The following KCNT2 variants were observed in gnomAD, a reference collection of about 807,000 sequenced individuals.
KCNT2 encodes the protein potassium channel subfamily T member 2.
In KCNT2, 67 loss-of-function variants were observed where a neutral mutation model predicts 153.8. That is an observed-to-expected ratio of 0.44 (90% CI 0.36 to 0.53). The LOEUF (loss-of-function observed/expected upper bound fraction) is 0.53, where lower values mean the gene tolerates loss of function less well. Ranked by LOEUF, KCNT2 falls within the 20% of genes least tolerant of loss-of-function variation. The pLI is 0.00. For synonymous variants in KCNT2, 500 were observed against 458.8 expected (o/e 1.09, Z -1.15); for missense variants, 975 against 1,354.8 (o/e 0.72, Z 4.40).
intron 5 of KCNT2, among the ~76,000 whole-genome samples, chr1:196,475,580 C>G (rs1287305540): frequency 6.6e-6 from 1 of 151,888 alleles, no homozygotes. Flanking sequence ...TGCACTCCAG[C>G]CTGAGCAACA....
chr1:196,369,905 C>T lies in KCNT2; in HGVS notation c.1403+3235G>A, dbSNP rs116854845. 3.7e-4 allele frequency among the ~76,000 whole-genome samples: 56 copies of T among 152,064 alleles called. No homozygotes were observed. In the East Asian group the frequency reaches 6.4e-3, roughly 17 times the overall value. On this transcript the variant is annotated intron_variant, in intron 14 of 27. Transcript: ENST00000294725. ...AGATCCCTGAGGAATCACCACACTG[C>T]GAAGGACATGAACAGACACTTCTCA...
At chr1:196,566,994 T>C (rs1245729350) in intron 1 of KCNT2, among the ~76,000 whole-genome samples, 1 of 152,118 alleles carries the variant, frequency 6.6e-6, no homozygotes. Flanking sequence ...TAAACTCAAA[T>C]ATGTACTAAA....
chr1:196,561,692 A>G (rs1208483629), intron 1 of KCNT2, among the ~76,000 whole-genome samples: 1 of 138,862 alleles, frequency 7.2e-6, no homozygotes, highest in African/African-American at 2.5e-5. Flanking sequence ...AAGAAGAAAG[A>G]ATAGAAGAAC....
chr1:196,455,415 TTTGTC>T (rs1676576479), intron 8 of KCNT2, among the ~76,000 whole-genome samples: 3 of 151,990 alleles, frequency 2.0e-5, no homozygotes, highest in Admixed American at 2.0e-4. Context: ...CAAGTTTTTC[TTTGTC>T]TTTGGAGTGA....
chr1:196,387,510 A>G (rs75343974), intron 13 of KCNT2, among the ~76,000 whole-genome samples: 108 of 152,034 alleles, frequency 7.1e-4, no homozygotes, highest in Middle Eastern at 3.4e-3. Context: ...TAGCCATCTA[A>G]GCACTTTCTT....
At chr1:196,552,766 A>C (rs902068741) in intron 1 of KCNT2, among the ~76,000 whole-genome samples, 1 of 151,444 alleles carries the variant, frequency 6.6e-6, no homozygotes, top group South Asian at 2.1e-4. Context: ...GGTAAAAAGC[A>C]GGGAAATATA....
At chr1:196,435,260 G>T (rs1229773788) in intron 8 of KCNT2, among the ~76,000 whole-genome samples, 1 of 142,244 alleles carries the variant, frequency 7.0e-6, no homozygotes, top group Non-Finnish European at 1.5e-5. Flanking sequence ...TTCACTATTT[G>T]GACTGTTTAC....
intron 12 of KCNT2, among the ~76,000 whole-genome samples, chr1:196,408,012 A>T (rs1009970315): frequency 1.3e-5 from 2 of 151,322 alleles, no homozygotes; most frequent in Non-Finnish European, 1.5e-5. Flanking sequence ...AAAATTTTCC[A>T]TTATAAATTC....
intron 16 of KCNT2, among the ~76,000 whole-genome samples, chr1:196,334,329 C>T (rs1192910017): frequency 6.6e-6 from 1 of 151,566 alleles, no homozygotes; most frequent in Non-Finnish European, 1.5e-5. Context: ...TTTGTAAAAT[C>T]CTGAAGTATA....
chr1:196,299,667 G>A (rs984699542), intron 22 of KCNT2, among the ~76,000 whole-genome samples: 1 of 152,098 alleles, frequency 6.6e-6, no homozygotes, highest in Non-Finnish European at 1.5e-5. Flanking sequence ...ATGCAGAGTA[G>A]TACAGCAATT....
intron 26 of KCNT2, among the ~76,000 whole-genome samples, chr1:196,242,572 A>AT (rs1282208417): frequency 1.3e-5 from 2 of 152,142 alleles, no homozygotes; most frequent in African/African-American, 4.8e-5. Context: ...CTTACAGAAC[A>AT]TTTTTATGAT....
intron 1 of KCNT2, among the ~76,000 whole-genome samples, chr1:196,556,177 G>A (rs1233346565): frequency 2.6e-5 from 4 of 151,312 alleles, no homozygotes; most frequent in African/African-American, 9.7e-5. Flanking sequence ...AAAACCTTCT[G>A]CTCTGCAAAA....
At chr1:196,518,914 C>T (rs1042469317) in intron 1 of KCNT2, among the ~76,000 whole-genome samples, 6 of 152,100 alleles carry the variant, frequency 3.9e-5, no homozygotes, top group African/African-American at 1.4e-4. Context: ...ACATTCAGGA[C>T]CTGAACTCAA....
chr1:196,261,223 T>C (rs748907870), intron 25 of KCNT2, among the ~76,000 whole-genome samples: 5 of 151,932 alleles, frequency 3.3e-5, no homozygotes, highest in Non-Finnish European at 7.4e-5. Context: ...AGAGTCACAA[T>C]GATAGAGTGG....
intron 25 of KCNT2, among the ~76,000 whole-genome samples, chr1:196,262,464 C>A (rs915311628): frequency 6.6e-6 from 1 of 151,928 alleles, no homozygotes; most frequent in South Asian, 2.1e-4. Context: ...AATGAAATCA[C>A]TAAAATGTGC....
At chr1:196,229,812 A>G (rs1653793203) in intron 27 of KCNT2, among the ~76,000 whole-genome samples, 1 of 152,120 alleles carries the variant, frequency 6.6e-6, no homozygotes, top group South Asian at 2.1e-4. Context: ...CCCTTAATCC[A>G]AAGCCAAATC....
At chr1:196,423,027 T>TA in intron 12 of KCNT2, 23 bp downstream of exon 12, 2 of 1,494,814 alleles carry the variant, frequency 1.3e-6, no homozygotes, top group Non-Finnish European at 9.1e-7. Context: ...CACAACTTAC[T>TA]AAAAAAGATT....
chr1:196,413,765 T>A (rs967376360), intron 12 of KCNT2, among the ~76,000 whole-genome samples: 1 of 151,720 alleles, frequency 6.6e-6, no homozygotes, highest in Non-Finnish European at 1.5e-5. Context: ...GTTTTTCTAA[T>A]AAAGAATACA....
Position 196,228,327 on chromosome 1 carries a change from A to T in KCNT2, c.3305T>A (p.Ile1102Asn). Reference sequence around the variant, plus strand: ...AAGGTAGGCCAGTGGATCTGGTCGAATTAAGTATCTAATAAAAGAAAACAA... The same window carrying T: ...AAGGTAGGCCAGTGGATCTGGTCGATTTAAGTATCTAATAAAAGAAAACAA... ...RIELNDVVYLIRPDPLAYLPN... is the reference protein window; with the variant it reads ...RIELNDVVYLNRPDPLAYLPN... The change falls in exon 28 of 28, where the codon ATT becomes AAT. Residue 1102 changes from isoleucine to asparagine, a missense_variant. Physicochemically the swap from Ile to Asn is moderately radical, Grantham distance 149. Around this residue, in one of 6 missense-constraint regions of KCNT2, gnomAD observed 241 missense variants for 271.1 expected, o/e 0.89. Coordinates refer to ENST00000294725, the MANE Select transcript of KCNT2 (RefSeq NM_198503.5). 1 of 1,585,650 alleles carries T rather than the reference A, an allele frequency of 6.3e-7. No individual in the cohort carries two copies. The highest frequency in any genetic ancestry group is 1.1e-5 in the South Asian group (1 of 89,490).
Sources: allele counts gnomAD v4.1 joint callset (sites outside exome capture counted in the v4.1 genomes callset), GRCh38; gene constraint gnomAD v4.1.1; regional missense constraint gnomAD v4.1.1; transcripts MANE v1.5; gene names NCBI Gene and HGNC (gene_info 2026-07-23, HGNC 2026-07-21).